Variants in USP15 observed in about 807,000 individuals in gnomAD.
The protein encoded by USP15 is ubiquitin carboxyl-terminal hydrolase 15.
USP15 carries 18 observed loss-of-function variants against 127.1 expected under a neutral mutation model. The ratio of observed to expected loss-of-function variants is 0.14; its 90% CI spans 0.10 to 0.21. The LOEUF is 0.21. USP15 is among the 10% of genes least tolerant of loss of function. USP15 has a pLI of 1.00. For missense variants in USP15, 805 were observed against 1,159.9 expected, an observed-to-expected ratio of 0.69 and a Z score of 4.44; for synonymous variants, 364 against 393.7, an observed-to-expected ratio of 0.92 and a Z score of 0.89.
chr12:62,322,007 A>G (rs1416083223), intron 5 of USP15, among the ~76,000 whole-genome samples: 5 of 152,210 alleles, frequency 3.3e-5, no homozygotes, highest in Admixed American at 1.3e-4. Flanking sequence ...ACAAGCATAG[A>G]TGATACATGA....
Position 62,390,883 on chromosome 12 carries a change from A to T in USP15, c.1864A>T (p.Thr622Ser). The T allele has an allele frequency of 6.2e-7, 1 of 1,611,228 alleles. No homozygotes were observed. Among genetic ancestry groups the T allele is most frequent in the African/African-American group, 1.3e-5 (1 of 74,974 alleles). ...CTTAAGCCGATATGTCAAAATATCT[A>T]CTGAAACTGAAGAAACTGAAGGATC... ...LRMCRYVKISTETEETEGSLH... is the reference protein window; with the variant it reads ...LRMCRYVKISSETEETEGSLH... Residue 622 changes from threonine (T) to serine (S), a missense_variant, in exon 15 of 22, where the codon ACT (threonine) becomes TCT (serine). This residue lies in a region of USP15 where 225 missense variants were observed against 239.5 expected (regional missense o/e 0.94). Coordinates refer to ENST00000280377, the MANE Select transcript of USP15 (RefSeq NM_001252078.2).
chr12:62,349,355 A>G, intron 7 of USP15, 48 bp downstream of exon 7: 2 of 1,264,640 alleles, frequency 1.6e-6, no homozygotes, highest in Non-Finnish European at 2.1e-6. Context: ...TCACCCTATT[A>G]TGGTTGCAAA....
chr12:62,271,693 C>T (rs779152854), intron 1 of USP15, among the ~76,000 whole-genome samples: 1 of 151,360 alleles, frequency 6.6e-6, no homozygotes. Flanking sequence ...ATGCTTATCA[C>T]GCTTATATGT....
chr12:62,336,321 C>G (rs1037607696), intron 6 of USP15: 143 of 985,090 alleles, frequency 1.5e-4, no homozygotes, highest in Non-Finnish European at 1.7e-4. Context: ...ATCTTTTTAC[C>G]CCTCCTTCTC....
At chr12:62,307,222 A>G (rs576000741) in intron 3 of USP15, among the ~76,000 whole-genome samples, 1 of 152,262 alleles carries the variant, frequency 6.6e-6, no homozygotes, top group South Asian at 2.1e-4. Flanking sequence ...CCAAACTCCA[A>G]TAAGTAGGAA....
intron 8 of USP15, among the ~76,000 whole-genome samples, chr12:62,358,471 T>A (rs1471291953): frequency 6.6e-6 from 1 of 152,080 alleles, no homozygotes; most frequent in Non-Finnish European, 1.5e-5. Flanking sequence ...TCCCAGCACT[T>A]TGGGAGGCCA....
intron 7 of USP15, among the ~76,000 whole-genome samples, chr12:62,354,024 A>G (rs996717232): frequency 6.6e-6 from 1 of 151,868 alleles, no homozygotes; most frequent in Admixed American, 6.6e-5. Flanking sequence ...TTTGTAGAAG[A>G]AAGGAGTGTT....
intron 1 of USP15, among the ~76,000 whole-genome samples, chr12:62,283,607 C>G (rs548771764): frequency 6.6e-6 from 1 of 152,268 alleles, no homozygotes; most frequent in South Asian, 2.1e-4. Context: ...CCAGGTAAAA[C>G]TACTAAGAGT....
intron 6 of USP15, among the ~76,000 whole-genome samples, chr12:62,338,505 C>T (rs751194145): frequency 1.3e-5 from 2 of 152,044 alleles, no homozygotes; most frequent in Non-Finnish European, 2.9e-5. Flanking sequence ...TCAATTTTGG[C>T]TTTTGTTGTG....
At chr12:62,341,171 G>A (rs61921860) in intron 6 of USP15, among the ~76,000 whole-genome samples, 10,095 of 150,720 alleles carry the variant, frequency 0.067, 460 homozygotes, top group South Asian at 0.14. Context: ...TTTTATGTCT[G>A]TTTTATCAGA....
At chr12:62,279,850 C>T (rs1292507626) in intron 1 of USP15, among the ~76,000 whole-genome samples, 1 of 152,100 alleles carries the variant, frequency 6.6e-6, no homozygotes, top group East Asian at 1.9e-4. Context: ...CCATCTTTGC[C>T]TATTAGTTTG....
chr12:62,353,052 T>A (rs1263127286), intron 7 of USP15, among the ~76,000 whole-genome samples: 1 of 152,024 alleles, frequency 6.6e-6, no homozygotes, highest in African/African-American at 2.4e-5. Context: ...GATTTTCATA[T>A]ATTTTTTGAA....
chr12:62,284,189 A>G (rs948615059), intron 1 of USP15, among the ~76,000 whole-genome samples: 1 of 152,238 alleles, frequency 6.6e-6, no homozygotes, highest in Non-Finnish European at 1.5e-5. Context: ...GTGTCCCTCA[A>G]CTTTGTAAGT....
intron 6 of USP15, among the ~76,000 whole-genome samples, chr12:62,339,126 G>A (rs543735923): frequency 1.5e-4 from 23 of 152,028 alleles, no homozygotes; most frequent in African/African-American, 4.6e-4. Flanking sequence ...GGTGGTATTC[G>A]TAGGTATTTT....
intron 2 of USP15, among the ~76,000 whole-genome samples, chr12:62,301,579 A>G (rs1029701719): frequency 3.9e-5 from 6 of 152,200 alleles, no homozygotes; most frequent in African/African-American, 1.4e-4. Context: ...AACAAAGCCA[A>G]ACAAAAAAGA....
Position 62,349,208 on chromosome 12 carries a change from C to T in USP15, c.684-13C>T. The T allele has an allele frequency of 7.1e-7, 1 of 1,403,454 alleles. No individual in the cohort carries two copies. The highest frequency in any genetic ancestry group is 9.4e-7 in the Non-Finnish European group (1 of 1,066,716). The allele number at this position is 1,403,454 out of a possible 1,614,324, so 86.9% of individuals were successfully genotyped here. ...ATTTTTTTATCTAATTTAACATTTT[C>T]ATATTTTTAAAGGTCCCCAGGTGCA... On this transcript the variant is annotated splice_polypyrimidine_tract_variant and intron_variant, in intron 6 of 21. Transcript: ENST00000280377.
Position 62,385,375 on chromosome 12 carries a change from C to T in USP15, c.1473+1073C>T, listed in dbSNP as rs1010207388. Among the ~76,000 whole-genome samples the T allele has an allele frequency of 3.9e-5, 6 of 151,906 alleles. No individual in the cohort carries two copies. The East Asian group carries it at 7.7e-4, about 20-fold the overall frequency. Reference sequence around the variant, plus strand: ...AGCTATATTTGAACAAAATTATGATCTTACCATTCAGGGATGTATTTGGGT... The same window carrying T: ...AGCTATATTTGAACAAAATTATGATTTTACCATTCAGGGATGTATTTGGGT... On this transcript the variant is annotated intron_variant, in intron 11 of 21. Transcript: ENST00000280377.
intron 19 of USP15, among the ~76,000 whole-genome samples, chr12:62,395,487 C>T (rs1481462409): frequency 2.0e-5 from 3 of 151,820 alleles, no homozygotes; most frequent in Non-Finnish European, 4.4e-5. Flanking sequence ...AAGCGTTTAT[C>T]GTTTGTGTTA....
chr12:62,407,309 A>G lies in USP15; in HGVS notation c.*2934A>G, dbSNP rs2067899924. 1 of 152,216 alleles carries G rather than the reference A, an allele frequency of 6.6e-6. No homozygotes were observed. The highest frequency in any genetic ancestry group is 2.4e-5 in the African/African-American group (1 of 41,462). The allele number at this position is 152,216 out of a possible 1,614,324, so 9.4% of individuals were successfully genotyped here. On this transcript the variant is annotated 3_prime_UTR_variant, in exon 22 of 22. Transcript: ENST00000280377. ...ACAATTGCTATGGGGTAGAGCCAAT[A>G]TTCTATCCTCAGATATATACTACCT... is the stretch of plus-strand genomic sequence containing the variant.
Sources: gnomAD v4.1 joint callset for allele counts (sites outside exome capture counted in the v4.1 genomes callset) on GRCh38, gnomAD v4.1.1 for gene constraint, gnomAD v4.1.1 regional missense constraint, MANE v1.5 for transcripts, NCBI Gene and HGNC (gene_info 2026-07-23, HGNC 2026-07-21) for gene names.